The following ARHGAP6 variants were observed in gnomAD, a reference collection of about 807,000 sequenced individuals.
ARHGAP6 encodes the protein rho GTPase-activating protein 6.
A neutral mutation model predicts 55.7 loss-of-function variants in ARHGAP6; 16 were observed. That is an observed-to-expected ratio of 0.29 (90% confidence interval 0.19 to 0.44). The LOEUF (loss-of-function observed/expected upper bound fraction) is 0.44. Ranked by LOEUF, ARHGAP6 falls within the 20% of genes least tolerant of loss-of-function variation. The probability of loss-of-function intolerance (pLI) is 1.00; values close to 1 mark genes in which losing one functional copy is unlikely to be tolerated. For synonymous variants in ARHGAP6, 382 were observed against 360.9 expected, an observed-to-expected ratio of 1.06 and a Z score of -0.66; for missense variants, 698 against 808.9, an observed-to-expected ratio of 0.86 and a Z score of 1.66.
intron 1 of ARHGAP6, among the ~76,000 whole-genome samples, chrX:11,561,036 C>T (rs1174555753): frequency 2.7e-5 from 3 of 111,740 alleles, no homozygotes; most frequent in Non-Finnish European, 3.8e-5. Flanking sequence ...AACATAGCTA[C>T]GTATAGTTTA....
At chrX:11,514,005 T>C (rs1178031134) in intron 1 of ARHGAP6, among the ~76,000 whole-genome samples, 1 of 107,747 alleles carries the variant, frequency 9.3e-6, no homozygotes, top group African/African-American at 3.4e-5. Flanking sequence ...CTACTAAAAA[T>C]ACAAAAAATA....
At chrX:11,567,152 T>G (rs770862483) in intron 1 of ARHGAP6, among the ~76,000 whole-genome samples, 2 of 111,886 alleles carry the variant, frequency 1.8e-5, no homozygotes, top group Non-Finnish European at 3.8e-5. Context: ...AAGATTTCTC[T>G]AAACATGTTA....
intron 1 of ARHGAP6, among the ~76,000 whole-genome samples, chrX:11,397,899 A>T (rs2049497700): frequency 1.8e-5 from 2 of 111,775 alleles, no homozygotes; most frequent in South Asian, 7.5e-4. Flanking sequence ...AAAAATGAAA[A>T]CAAAAACGAA....
Position 11,196,935 on chromosome X carries a change from G to C in ARHGAP6, c.810C>G (p.Asn270Lys), listed in dbSNP as rs753216705. 1 of 1,085,980 alleles carries C rather than the reference G, an allele frequency of 9.2e-7. No homozygotes were observed. The highest frequency in any genetic ancestry group is 1.9e-5 in the South Asian group (1 of 53,480). 89.5% of individuals were successfully genotyped at this position (1,085,980 alleles called of 1,213,427 possible). A position where few individuals can be genotyped will look rare whatever the true frequency, so the allele number is the denominator to read the frequency against. The part of the protein sequence containing the change: ...KKLDSLGKEK[N>K]KDKEFIPQAF... ...TACTTTACCCTTTACCTTTGTCTTT[G>C]TTTTTCTCCTTTCCTAGTGAATCCA... Residue 270 changes from asparagine (N) to lysine (K), a missense_variant, in exon 3 of 13, where the codon AAC becomes AAG. Around this residue, in one of 3 missense-constraint regions of ARHGAP6, gnomAD observed 322 missense variants for 451.1 expected, o/e 0.71. Transcript: ENST00000337414.
At chrX:11,442,215 C>A (rs191275197) in intron 1 of ARHGAP6, among the ~76,000 whole-genome samples, 1 of 109,201 alleles carries the variant, frequency 9.2e-6, no homozygotes, top group Admixed American at 9.8e-5. Flanking sequence ...AACTCCCCAC[C>A]GGCATCAATG....
intron 10 of ARHGAP6, among the ~76,000 whole-genome samples, chrX:11,146,528 A>T (rs2030524280): frequency 8.9e-6 from 1 of 112,835 alleles, no homozygotes; most frequent in African/African-American, 3.2e-5. Flanking sequence ...GAGGAGATAC[A>T]GTGTGAGTAC....
intron 1 of ARHGAP6, among the ~76,000 whole-genome samples, chrX:11,523,190 C>A (rs2050951797): frequency 8.9e-6 from 1 of 111,759 alleles, no homozygotes; most frequent in Non-Finnish European, 1.9e-5. Context: ...AACAGCCCTT[C>A]ATGCTAAAAA....
In ARHGAP6 at chrX:11,522,356, G is replaced by A. The variant is rs751080387; in HGVS notation, c.588+141885C>T. Among the ~76,000 whole-genome samples, 28 of 111,219 alleles carry A rather than the reference G, an allele frequency of 2.5e-4. No homozygotes were observed. In the South Asian group the frequency reaches 0.01, roughly 40 times the overall value. ...GAAGCAAGAGCAAACACATTCAAAA[G>A]CTAGCAGAAGGCAAGAAATAACTAA... On this transcript the variant is annotated intron_variant, in intron 1 of 12. Transcript: ENST00000337414.
Position 11,137,759 on chromosome X carries a change from A to C in ARHGAP6, c.*1104T>G, listed in dbSNP as rs762356305. ...GGTCAAAAATAGTTATGCACTTGAAAAACTTCAAACTACTAAAGTACGGTA... is the reference window on the plus strand; with the variant it reads ...GGTCAAAAATAGTTATGCACTTGAACAACTTCAAACTACTAAAGTACGGTA... On this transcript the variant is annotated 3_prime_UTR_variant, in exon 13 of 13. Transcript: ENST00000337414. 3.5e-5 allele frequency: 4 copies of C among 112,759 alleles called. No homozygotes were observed. The highest frequency in any genetic ancestry group is 9.4e-5 in the Admixed American group (1 of 10,641). 9.3% of individuals were successfully genotyped at this position (112,759 alleles called of 1,213,427 possible).
intron 1 of ARHGAP6, among the ~76,000 whole-genome samples, chrX:11,282,463 G>C (rs1390754676): frequency 1.8e-5 from 2 of 112,289 alleles, no homozygotes; most frequent in Non-Finnish European, 3.8e-5. Context: ...ATTATGTTGA[G>C]TGTTCTTAAT....
intron 1 of ARHGAP6, among the ~76,000 whole-genome samples, chrX:11,451,093 A>C (rs891987786): frequency 4.5e-5 from 5 of 111,383 alleles, no homozygotes; most frequent in Admixed American, 2.9e-4. Context: ...CACACATTGG[A>C]AGTGTTCATA....
At chrX:11,191,202 A>G (rs1239345885) in intron 3 of ARHGAP6, among the ~76,000 whole-genome samples, 3 of 112,417 alleles carry the variant, frequency 2.7e-5, no homozygotes, top group African/African-American at 9.7e-5. Context: ...ATGCAAAATG[A>G]TAAGGTGCTC....
intron 9 of ARHGAP6, among the ~76,000 whole-genome samples, chrX:11,158,361 A>AAAT (rs759295027): frequency 8.9e-6 from 1 of 111,771 alleles, no homozygotes; most frequent in South Asian, 3.8e-4. Context: ...CAATACCAAG[A>AAAT]AATAGAGATA....
chrX:11,601,396 G>A (rs1389333066), intron 1 of ARHGAP6, among the ~76,000 whole-genome samples: 1 of 111,400 alleles, frequency 9.0e-6, no homozygotes, highest in African/African-American at 3.3e-5. Context: ...GTGAATGGTG[G>A]GAGGGTAAAG....
At chrX:11,436,395 G>A (rs1287315449) in intron 1 of ARHGAP6, among the ~76,000 whole-genome samples, 2 of 112,391 alleles carry the variant, frequency 1.8e-5, no homozygotes, top group Non-Finnish European at 3.8e-5. Flanking sequence ...AATAATTTGA[G>A]GGGATGTCAT....
At chrX:11,471,888 AG>A (rs1371572802) in intron 1 of ARHGAP6, among the ~76,000 whole-genome samples, 1 of 111,505 alleles carries the variant, frequency 9.0e-6, no homozygotes, top group African/African-American at 3.3e-5. Context: ...AAGCTAGGAA[AG>A]GACAGATCCA....
At chrX:11,207,874 CAG>C (rs2046729719) in intron 2 of ARHGAP6, among the ~76,000 whole-genome samples, 1 of 111,712 alleles carries the variant, frequency 9.0e-6, no homozygotes, top group Non-Finnish European at 1.9e-5. Flanking sequence ...GAGCTTTGGG[CAG>C]AGAGGGAGAG....
At chrX:11,546,700 C>T (rs1309085400) in intron 1 of ARHGAP6, among the ~76,000 whole-genome samples, 5 of 111,915 alleles carry the variant, frequency 4.5e-5, no homozygotes, top group Non-Finnish European at 9.4e-5. Context: ...GAAACTTGAA[C>T]TTCCACCATA....
chrX:11,445,489 C>T (rs989660714), intron 1 of ARHGAP6, among the ~76,000 whole-genome samples: 3 of 111,993 alleles, frequency 2.7e-5, no homozygotes, highest in African/African-American at 9.7e-5. Context: ...TGTGGACATC[C>T]TACACACATT....
Sources: allele counts gnomAD v4.1 joint callset (sites outside exome capture counted in the v4.1 genomes callset), GRCh38; gene constraint gnomAD v4.1.1; regional missense constraint gnomAD v4.1.1; transcripts MANE v1.5; gene names NCBI Gene and HGNC (gene_info 2026-07-23, HGNC 2026-07-21).